The following LSM14A variants were observed in gnomAD, a reference collection of about 807,000 sequenced individuals.
LSM14A encodes protein LSM14 homolog A.
Under a neutral mutation model 52.4 loss-of-function variants are expected in LSM14A, and 14 were observed. That is an observed-to-expected ratio of 0.27 (90% CI 0.18 to 0.42). The LOEUF (loss-of-function observed/expected upper bound fraction) is 0.42. Among genes scored for constraint, LSM14A ranks in the 10% least tolerant of loss-of-function variants. LSM14A has a pLI of 1.00. For missense variants in LSM14A, 417 were observed against 581.8 expected (o/e 0.72, Z 2.91); for synonymous variants, 185 against 200.3 (o/e 0.92, Z 0.64).
At chr19:34,189,916 C>T (rs1237673565) in intron 1 of LSM14A, among the ~76,000 whole-genome samples, 2 of 152,150 alleles carry the variant, frequency 1.3e-5, no homozygotes, top group Non-Finnish European at 2.9e-5. Context: ...AGTGGTGGCA[C>T]TACTCAGGGC....
chr19:34,215,667 T>A lies in LSM14A; in HGVS notation c.781+6T>A. On this transcript the variant is annotated splice_donor_region_variant and intron_variant, in intron 6 of 9. Transcript: ENST00000544216. ...TGATAACAAGAGACAAGTAGGTAAG[T>A]TCTTGGATCTAAAAGTCATATTCTA... 6.3e-7 allele frequency: 1 copy of A among 1,599,938 alleles called. No individual in the cohort carries two copies. The highest frequency in any genetic ancestry group is 8.6e-7 in the Non-Finnish European group (1 of 1,167,632).
At chr19:34,184,873 GAC>G (rs1371921657) in intron 1 of LSM14A, among the ~76,000 whole-genome samples, 1 of 152,144 alleles carries the variant, frequency 6.6e-6, no homozygotes, top group African/African-American at 2.4e-5. Context: ...GGTTCTTGAG[GAC>G]ACAACATTTA....
chr19:34,173,199 C>T (rs1310184297), intron 1 of LSM14A, among the ~76,000 whole-genome samples: 1 of 152,196 alleles, frequency 6.6e-6, no homozygotes, highest in South Asian at 2.1e-4. Flanking sequence ...CATTTCAATT[C>T]GTGGCGATCT....
chr19:34,176,168 C>T (rs1242103163), intron 1 of LSM14A, among the ~76,000 whole-genome samples: 1 of 152,144 alleles, frequency 6.6e-6, no homozygotes, highest in Admixed American at 6.6e-5. Flanking sequence ...AAAGTTTATT[C>T]ATGGAATTTA....
intron 8 of LSM14A, among the ~76,000 whole-genome samples, chr19:34,220,175 GC>G (rs1168686896): frequency 6.6e-6 from 1 of 151,920 alleles, no homozygotes. Flanking sequence ...TCGCTATGTT[GC>G]CCAGGCTAAT....
intron 3 of LSM14A, among the ~76,000 whole-genome samples, chr19:34,202,786 C>G (rs1481565387): frequency 6.6e-6 from 1 of 152,136 alleles, no homozygotes; most frequent in Non-Finnish European, 1.5e-5. Flanking sequence ...TCCCTAGTAG[C>G]TGGGACTACA....
At chr19:34,190,592 G>T (rs1396581760) in intron 1 of LSM14A, among the ~76,000 whole-genome samples, 1 of 149,572 alleles carries the variant, frequency 6.7e-6, no homozygotes, top group Non-Finnish European at 1.5e-5. Context: ...AGAGATGAAA[G>T]TGTAAGTTTA....
At chr19:34,186,605 T>G (rs970163807) in intron 1 of LSM14A, among the ~76,000 whole-genome samples, 3 of 152,166 alleles carry the variant, frequency 2.0e-5, no homozygotes, top group African/African-American at 7.2e-5. Context: ...GACCGATACC[T>G]GGAATCTTCA....
In LSM14A at chr19:34,215,286, A is replaced by G. The variant is rs887732030; in HGVS notation, c.701A>G (p.Gln234Arg). 3 of 1,612,468 alleles carry G rather than the reference A, an allele frequency of 1.9e-6. No homozygotes were observed. The highest frequency in any genetic ancestry group is 2.5e-6 in the Non-Finnish European group (3 of 1,179,518). The change falls in exon 5 of 10, where the codon CAG becomes CGG. Residue 234 changes from glutamine to arginine, a missense_variant. Transcript: ENST00000544216. ...GCCAGCCAAAAGGCAGGAGAGAATC[A>G]GGAGCACAGGCGAGGTAGAACTTTA... is the stretch of plus-strand genomic sequence containing the variant. ...PSASQKAGENQEHRRAEVHKV... is the reference protein window; with the variant it reads ...PSASQKAGENREHRRAEVHKV...
intron 3 of LSM14A, among the ~76,000 whole-genome samples, chr19:34,199,250 G>A (rs1052965126): frequency 5.9e-5 from 9 of 151,788 alleles, no homozygotes; most frequent in South Asian, 2.1e-4. Flanking sequence ...TCAACCTCCC[G>A]AGTAGCTGGG....
intron 4 of LSM14A, among the ~76,000 whole-genome samples, chr19:34,212,775 T>C (rs2072265292): frequency 6.6e-6 from 1 of 152,170 alleles, no homozygotes; most frequent in Non-Finnish European, 1.5e-5. Flanking sequence ...ATCATGATGA[T>C]TAGTAGGCCT....
chr19:34,192,281 T>C (rs2070431866), intron 1 of LSM14A, among the ~76,000 whole-genome samples: 2 of 150,316 alleles, frequency 1.3e-5, no homozygotes, highest in Non-Finnish European at 3.0e-5. Context: ...AATAAGAGTG[T>C]AGGACATTAT....
rs2073408959 is a variant in LSM14A at position 34,227,633 on chromosome 19, T to A, written c.*245T>A. 4.7e-6 allele frequency: 2 copies of A among 424,262 alleles called. No homozygotes were observed. Among genetic ancestry groups the A allele is most frequent in the Admixed American group, 8.9e-5 (2 of 22,484 alleles). 26.3% of individuals were successfully genotyped at this position (424,262 alleles called of 1,614,324 possible). ...TTGGAATAGCAGAAGGTTAAGTAAT[T>A]TCTTATGTATAGTTAAACTAAAGCA... On this transcript the variant is annotated 3_prime_UTR_variant, in exon 10 of 10. Coordinates refer to ENST00000544216, the MANE Select transcript of LSM14A (RefSeq NM_015578.4).
At chr19:34,175,549 A>G (rs904875111) in intron 1 of LSM14A, among the ~76,000 whole-genome samples, 3 of 152,192 alleles carry the variant, frequency 2.0e-5, no homozygotes, top group East Asian at 1.9e-4. Flanking sequence ...CTTAAGCAAC[A>G]TGAGTTAAAT....
chr19:34,214,816 A>AT (rs35905842), intron 4 of LSM14A, among the ~76,000 whole-genome samples: 11,655 of 142,698 alleles, frequency 0.082, 1,162 homozygotes, highest in African/African-American at 0.24. Flanking sequence ...CCTGGCAGCA[A>AT]TTTTTTTTTT....
chr19:34,177,656 G>C (rs2069172813), intron 1 of LSM14A, among the ~76,000 whole-genome samples: 1 of 152,186 alleles, frequency 6.6e-6, no homozygotes, highest in Non-Finnish European at 1.5e-5. Flanking sequence ...AAAAGGTCAA[G>C]GCCGGGGTAT....
At chr19:34,194,243 A>C (rs1279411304) in intron 1 of LSM14A, among the ~76,000 whole-genome samples, 2 of 152,200 alleles carry the variant, frequency 1.3e-5, no homozygotes, top group East Asian at 1.9e-4. Flanking sequence ...ATAAAAATAT[A>C]AGAGGAACAC....
At chr19:34,181,533 A>T (rs1019031199) in intron 1 of LSM14A, among the ~76,000 whole-genome samples, 3 of 152,174 alleles carry the variant, frequency 2.0e-5, no homozygotes, top group African/African-American at 4.8e-5. Context: ...AGTCAGCATT[A>T]CGTGGTACAG....
intron 3 of LSM14A, among the ~76,000 whole-genome samples, chr19:34,200,147 A>C (rs2071188477): frequency 1.3e-5 from 2 of 152,268 alleles, no homozygotes. Context: ...TTATATATCC[A>C]GAAGGTGGGT....
Sources: allele counts gnomAD v4.1 joint callset (sites outside exome capture counted in the v4.1 genomes callset), GRCh38; gene constraint gnomAD v4.1.1; transcripts MANE v1.5; gene names NCBI Gene and HGNC (gene_info 2026-07-23, HGNC 2026-07-21).